The following LIAS variants were observed in gnomAD, a reference collection of about 807,000 sequenced individuals.
LIAS encodes the protein lipoyl synthase, mitochondrial.
Under a neutral mutation model 49.4 loss-of-function variants are expected in LIAS, and 36 were observed. The ratio of observed to expected loss-of-function variants is 0.73; its 90% CI spans 0.56 to 0.96. LIAS has a LOEUF of 0.96. LIAS is among the 40% of genes least tolerant of loss of function. The pLI, the probability that LIAS is intolerant of heterozygous loss-of-function variation, is 0.00. For missense variants in LIAS, 399 were observed against 456.3 expected (o/e 0.87, Z 1.14); for synonymous variants, 145 against 155.8 (o/e 0.93, Z 0.52).
intron 2 of LIAS, 135 bp from the exon 3 acceptor site, chr4:39,462,061 G>GA: frequency 2.6e-6 from 1 of 388,326 alleles, no homozygotes. Context: ...TCCTATGACA[G>GA]AAATTATAAG....
chr4:39,467,341 C>CTT (rs74272801), intron 6 of LIAS, 177 bp from the exon 7 acceptor site: 204 of 379,098 alleles, frequency 5.4e-4, no homozygotes, highest in South Asian at 9.7e-4. Context: ...TAACGGTCTG[C>CTT]TTTTTTTTTT....
intron 1 of LIAS, 38 bp from the exon 2 acceptor site, chr4:39,460,752 C>A: frequency 6.7e-7 from 1 of 1,490,360 alleles, no homozygotes; most frequent in Non-Finnish European, 9.0e-7. Context: ...TTATTACGGA[C>A]TCCACTAAAT....
intron 2 of LIAS, 32 bp downstream of exon 2, chr4:39,460,994 C>G: frequency 6.4e-7 from 1 of 1,553,708 alleles, no homozygotes; most frequent in Middle Eastern, 1.7e-4. Context: ...TTTTAACGTC[C>G]CGTTCCTTTA....
At chr4:39,463,769 T>C in intron 4 of LIAS, 164 bp downstream of exon 4, 1 of 1,293,592 alleles carries the variant, frequency 7.7e-7, no homozygotes, top group Non-Finnish European at 9.9e-7. Flanking sequence ...ATCCAACCTG[T>C]TGTAATCTCA....
intron 9 of LIAS, among the ~76,000 whole-genome samples, chr4:39,472,751 A>G (rs1481088460): frequency 6.6e-6 from 1 of 152,264 alleles, no homozygotes; most frequent in East Asian, 1.9e-4. Flanking sequence ...CTTGTCCTCA[A>G]GAATCAGATA....
chr4:39,471,911 G>A (rs1301959141), intron 9 of LIAS, among the ~76,000 whole-genome samples: 6 of 151,884 alleles, frequency 4.0e-5, no homozygotes, highest in Admixed American at 1.3e-4. Context: ...TGATCCACCC[G>A]CCTCAGCCTT....
chr4:39,459,291 G>A, intron 1 of LIAS, 129 bp downstream of exon 1: 2 of 772,120 alleles, frequency 2.6e-6, no homozygotes, highest in Non-Finnish European at 4.1e-6. Flanking sequence ...AGTTTTAAAC[G>A]TTTTTCGTGT....
At position 39,477,283 on chromosome 4, in the gene LIAS, C is replaced by CT. The variant is rs1745227066; in HGVS notation, c.*171dup. 4.2e-5 allele frequency: 23 copies of CT among 550,270 alleles called. No individual in the cohort carries two copies. In the South Asian group the frequency reaches 4.7e-4, roughly 11 times the overall value. The allele number at this position is 550,270 out of a possible 1,614,324, so 34.1% of individuals were successfully genotyped here. On this transcript the variant is annotated 3_prime_UTR_variant, in exon 11 of 11. Transcript: ENST00000640888. The stretch of plus-strand genomic sequence containing the variant: ...GTGGCTCACGCCTGTAATCCCAGCA[C>CT]TTTAGGAGGCCAAGGCGGGTGGATC...
intron 1 of LIAS, among the ~76,000 whole-genome samples, chr4:39,460,249 G>A (rs1220938561): frequency 6.6e-6 from 1 of 151,802 alleles, no homozygotes; most frequent in Non-Finnish European, 1.5e-5. Context: ...AGAGATTTTC[G>A]GGCCGGGTGC....
At chr4:39,471,394 C>T in intron 9 of LIAS, 88 bp downstream of exon 9, 2 of 972,820 alleles carry the variant, frequency 2.1e-6, no homozygotes, top group South Asian at 3.0e-5. Context: ...AGTGTAGTGG[C>T]ACAATCTCGG....
chr4:39,468,523 T>TATATATATA (rs1167812647), intron 7 of LIAS: 2 of 140,210 alleles, frequency 1.4e-5, no homozygotes, highest in African/African-American at 5.4e-5. Flanking sequence ...ATATATATAT[T>TATATATATA]TTTTTATATT....
chr4:39,460,754 C>T (rs776299458), intron 1 of LIAS, 36 bp from the exon 2 acceptor site: 9 of 1,509,952 alleles, frequency 6.0e-6, no homozygotes, highest in Admixed American at 4.4e-5. Context: ...ATTACGGACT[C>T]CACTAAATAA....
chr4:39,473,314 TG>T (rs1486098409), intron 10 of LIAS, 103 bp downstream of exon 10: 2 of 727,104 alleles, frequency 2.8e-6, no homozygotes, highest in East Asian at 5.3e-5. Flanking sequence ...ATACCTTTGG[TG>T]GTCTTGGTAG....
At chr4:39,471,517 ATTTTTTTTTT>A (rs766866733) in intron 9 of LIAS, among the ~76,000 whole-genome samples, 5 of 74,320 alleles carry the variant, frequency 6.7e-5, no homozygotes, top group Admixed American at 4.4e-4. Context: ...CATATATATA[ATTTTTTTTTT>A]TTTTTTTTTT....
chr4:39,463,673 C>T, intron 4 of LIAS, 68 bp downstream of exon 4: 3 of 1,507,694 alleles, frequency 2.0e-6, no homozygotes, highest in East Asian at 2.4e-5. Flanking sequence ...TGTCTTCCTC[C>T]TAAAAATGTG....
rs1173240741 is a variant in LIAS, at chr4:39,477,620, T to G, written c.*505T>G. On this transcript the variant is annotated 3_prime_UTR_variant, in exon 11 of 11. Coordinates refer to ENST00000640888, the MANE Select transcript of LIAS (RefSeq NM_006859.4). ...TTTTAGTGTATCTTCTTTGTCCCAA[T>G]TAAACAGTTGCTTGCTGTGATGTAA... 2 of 152,486 alleles carry G rather than the reference T, an allele frequency of 1.3e-5. No homozygotes were observed. Among genetic ancestry groups the G allele is most frequent in the Non-Finnish European group, 2.9e-5 (2 of 68,256 alleles). 9.4% of individuals were successfully genotyped at this position (152,486 alleles called of 1,614,324 possible).
Position 39,473,212 on chromosome 4 carries a change from G to C in LIAS, c.1066+1G>C, listed in dbSNP as rs771232207. On this transcript the variant is annotated splice_donor_variant, in intron 10 of 10. Coordinates refer to ENST00000640888, the MANE Select transcript of LIAS (RefSeq NM_006859.4). LOFTEE classifies it high-confidence loss of function. ...TTGGTGCGTTCTTCATATAAAGCAG[G>C]TAAGTTAGATTGTGGGGCATGGTTT... 6.3e-7 allele frequency: 1 copy of C among 1,581,000 alleles called. No individual in the cohort carries two copies. The highest frequency in any genetic ancestry group is 1.3e-5 in the African/African-American group (1 of 74,258).
Position 39,462,217 on chromosome 4 carries a change from A to G in LIAS, c.240A>G (p.Leu80=). The G allele has an allele frequency of 1.9e-6, 3 of 1,558,384 alleles. No individual in the cohort carries two copies. The highest frequency in any genetic ancestry group is 8.7e-7 in the Non-Finnish European group (1 of 1,154,732). Residue 80 remains leucine, a synonymous_variant, in exon 3 of 11, where the codon CTA becomes CTG. Transcript: ENST00000640888. The part of the protein sequence containing the change: ...KGERLRLPPW[L]KTEIPMGKNY... The stretch of plus-strand genomic sequence containing the variant: ...TTAGGTTAAGACTACCTCCATGGCT[A>G]AAGACAGAGATTCCCATGGGGAAAA...
chr4:39,465,217 A>T lies in LIAS; in HGVS notation c.550+15A>T. 1.2e-6 allele frequency: 2 copies of T among 1,612,990 alleles called. No individual in the cohort carries two copies. Among genetic ancestry groups the T allele is most frequent in the Non-Finnish European group, 1.7e-6 (2 of 1,179,244 alleles). ...GGATCGAGATGGTTAGTGTGTCATC[A>T]TGGCCTCTACCAGAAACTGGCTCTA... On this transcript the variant is annotated intron_variant, in intron 5 of 10. Transcript: ENST00000640888.
Sources: gnomAD v4.1 joint callset for allele counts (sites outside exome capture counted in the v4.1 genomes callset) on GRCh38, gnomAD v4.1.1 for gene constraint, MANE v1.5 for transcripts, NCBI Gene and HGNC (gene_info 2026-07-23, HGNC 2026-07-21) for gene names.